Variants in LIPI observed in about 807,000 individuals in gnomAD.
LIPI encodes lipase member I.
A neutral mutation model predicts 50.6 loss-of-function variants in LIPI; 59 were observed. The observed-to-expected ratio is 1.16, with a 90% CI of 0.94 to 1.45. LIPI has a LOEUF of 1.45. LIPI is among the 40% of genes most tolerant of loss of function. The probability of loss-of-function intolerance (pLI) is 0.00; values close to 1 mark genes in which losing one functional copy is unlikely to be tolerated. For missense variants in LIPI, 586 were observed against 536.3 expected (o/e 1.09, Z -0.92); for synonymous variants, 203 against 178.2 (o/e 1.14, Z -1.11).
chr21:14,190,900 A>G (rs1426670312), intron 1 of LIPI, among the ~76,000 whole-genome samples: 1 of 152,192 alleles, frequency 6.6e-6, no homozygotes, highest in Non-Finnish European at 1.5e-5. Context: ...GCTAAAGTCA[A>G]TTTTACCTGG....
At chr21:14,173,805 G>T (rs1306978212) in intron 4 of LIPI, among the ~76,000 whole-genome samples, 2 of 151,806 alleles carry the variant, frequency 1.3e-5, no homozygotes, top group African/African-American at 2.4e-5. Context: ...TAATGGGTAA[G>T]GAAAGACAAA....
intron 7 of LIPI, among the ~76,000 whole-genome samples, chr21:14,154,026 C>A (rs2018190250): frequency 6.6e-6 from 1 of 151,926 alleles, no homozygotes; most frequent in Non-Finnish European, 1.5e-5. Flanking sequence ...TGAAGGGGAA[C>A]TTTGAAGAAG....
intron 9 of LIPI, among the ~76,000 whole-genome samples, chr21:14,120,841 T>A (rs2016835492): frequency 6.6e-6 from 1 of 152,162 alleles, no homozygotes; most frequent in South Asian, 2.1e-4. Flanking sequence ...GAAGACAGCT[T>A]TAGAAATTCT....
intron 1 of LIPI, chr21:14,206,665 A>G: frequency 1.7e-6 from 1 of 586,748 alleles, no homozygotes; most frequent in South Asian, 1.9e-5. Context: ...CATTTCTGGA[A>G]AAAAAACGGA....
Position 14,189,373 on chromosome 21 carries a change from A to C in LIPI, c.93T>G (p.Asp31Glu). 1 of 1,612,564 alleles carries C rather than the reference A, an allele frequency of 6.2e-7. No homozygotes were observed. Among genetic ancestry groups the C allele is most frequent in the South Asian group, 1.1e-5 (1 of 90,996 alleles). The change falls in exon 2 of 10, where the codon GAT (aspartate) becomes GAG (glutamate). Residue 31 changes from aspartate to glutamate, a missense_variant. By Grantham distance (45) the Asp-to-Glu change is conservative. Transcript: ENST00000681601. ...TCGGAATAAATAAATCTCTGAAGGA[A>C]TCCTTTACACTTAGCTGAGAGAATT... is the stretch of plus-strand genomic sequence containing the variant. ...CLEFSQLSVKDSFRDLFIPRI... is the reference protein window; with the variant it reads ...CLEFSQLSVKESFRDLFIPRI...
intron 8 of LIPI, among the ~76,000 whole-genome samples, chr21:14,151,712 A>G (rs1261329162): frequency 6.6e-6 from 1 of 152,166 alleles, no homozygotes; most frequent in African/African-American, 2.4e-5. Flanking sequence ...TAGTTTAAGA[A>G]TTTATTAAAC....
chr21:14,109,114 T>C, intron 9 of LIPI, 34 bp from the exon 10 acceptor site: 1 of 1,518,430 alleles, frequency 6.6e-7, no homozygotes, highest in Non-Finnish European at 9.1e-7. Context: ...AACAAAAAAA[T>C]AACTATTAGT....
intron 9 of LIPI, among the ~76,000 whole-genome samples, chr21:14,120,045 C>A (rs1399653283): frequency 6.6e-6 from 1 of 152,160 alleles, no homozygotes; most frequent in Non-Finnish European, 1.5e-5. Context: ...TAAATCCAGC[C>A]ACACTGTTAC....
intron 8 of LIPI, among the ~76,000 whole-genome samples, chr21:14,147,632 A>G (rs2017952438): frequency 6.6e-6 from 1 of 152,222 alleles, no homozygotes; most frequent in African/African-American, 2.4e-5. Context: ...CCGGGTCTAT[A>G]GAAGAACTCA....
At chr21:14,133,511 C>T (rs979024411) in intron 9 of LIPI, among the ~76,000 whole-genome samples, 4 of 152,140 alleles carry the variant, frequency 2.6e-5, no homozygotes, top group Non-Finnish European at 5.9e-5. Flanking sequence ...GACTCACAGC[C>T]AGCATCAAAC....
intron 1 of LIPI, among the ~76,000 whole-genome samples, chr21:14,195,321 G>A (rs1243667481): frequency 1.3e-5 from 2 of 152,218 alleles, no homozygotes; most frequent in East Asian, 1.9e-4. Context: ...AACAATTTTC[G>A]AGGTCACATT....
At chr21:14,193,757 G>A (rs2019754639) in intron 1 of LIPI, among the ~76,000 whole-genome samples, 1 of 150,584 alleles carries the variant, frequency 6.6e-6, no homozygotes, top group Admixed American at 6.6e-5. Context: ...AACCACAGGC[G>A]ACAACAGAAA....
chr21:14,192,309 A>G (rs1019771800), intron 1 of LIPI, among the ~76,000 whole-genome samples: 4 of 152,146 alleles, frequency 2.6e-5, no homozygotes, highest in Non-Finnish European at 4.4e-5. Context: ...TACTAAAAAT[A>G]CAAAAATTAG....
intron 3 of LIPI, among the ~76,000 whole-genome samples, chr21:14,182,240 C>G (rs1439262246): frequency 6.6e-6 from 1 of 152,132 alleles, no homozygotes; most frequent in Non-Finnish European, 1.5e-5. Context: ...TACTAGCTCA[C>G]TTTGGATTTA....
intron 8 of LIPI, among the ~76,000 whole-genome samples, chr21:14,149,714 C>T (rs2018023174): frequency 6.6e-6 from 1 of 152,062 alleles, no homozygotes; most frequent in Non-Finnish European, 1.5e-5. Context: ...CCATCCAAGT[C>T]TGAAATCCAA....
At chr21:14,115,441 A>G (rs1484613594) in intron 9 of LIPI, among the ~76,000 whole-genome samples, 1 of 152,170 alleles carries the variant, frequency 6.6e-6, no homozygotes, top group African/African-American at 2.4e-5. Flanking sequence ...ACTTTTCTGG[A>G]CACTAGTCCA....
At chr21:14,163,960 G>C (rs1415774094) in intron 6 of LIPI, among the ~76,000 whole-genome samples, 1 of 150,772 alleles carries the variant, frequency 6.6e-6, no homozygotes, top group Non-Finnish European at 1.5e-5. Flanking sequence ...GCATGCATGT[G>C]TATACATTAT....
At chr21:14,166,925 G>A (rs909835550) in intron 4 of LIPI, among the ~76,000 whole-genome samples, 2 of 152,224 alleles carry the variant, frequency 1.3e-5, no homozygotes, top group South Asian at 2.1e-4. Context: ...CCTTACTCGG[G>A]AAGCACAAGG....
intron 1 of LIPI, among the ~76,000 whole-genome samples, chr21:14,200,204 C>T (rs2020004478): frequency 6.6e-6 from 1 of 151,982 alleles, no homozygotes; most frequent in Non-Finnish European, 1.5e-5. Flanking sequence ...GACAAGGATA[C>T]CCTCTCTCAC....
Sources: gnomAD v4.1 joint callset for allele counts (sites outside exome capture counted in the v4.1 genomes callset) on GRCh38, gnomAD v4.1.1 for gene constraint, MANE v1.5 for transcripts, NCBI Gene and HGNC (gene_info 2026-07-23, HGNC 2026-07-21) for gene names.